Variants in CRB2 observed in about 807,000 individuals in gnomAD.
CRB2 encodes the protein crumbs cell polarity complex component 2, also known as protein crumbs homolog 2.
A neutral mutation model predicts 110.9 loss-of-function variants in CRB2; 85 were observed. That is an observed-to-expected ratio of 0.77 (90% confidence interval 0.64 to 0.92). CRB2 has a LOEUF of 0.92. Ranked by LOEUF, CRB2 falls within the 40% of genes least tolerant of loss-of-function variation. CRB2 has a pLI of 0.00. For synonymous variants in CRB2, 907 were observed against 831.0 expected (o/e 1.09, Z -1.57); for missense variants, 1,843 against 1,851.3 (o/e 1.00, Z 0.08).
In CRB2 at chr9:123,373,711, T is replaced by TGCGCCCTCGCCCTGTCTGC; in HGVS notation, c.3181_3199dup (p.His1067ArgfsTer13). On this transcript the variant is annotated frameshift_variant, in exon 10 of 13. Coordinates refer to ENST00000373631, the MANE Select transcript of CRB2 (RefSeq NM_173689.7). LOFTEE classifies it high-confidence loss of function. ...TCGGCTGCCGCGGCGCGCCCGTGTG[T>TGCGCCCTCGCCCTGTCTGC]GCGCCCTCGCCCTGTCTGCACGACG... is the stretch of plus-strand genomic sequence containing the variant. 1 of 1,522,582 alleles carries TGCGCCCTCGCCCTGTCTGC rather than the reference T, an allele frequency of 6.6e-7. No homozygotes were observed. Among genetic ancestry groups the TGCGCCCTCGCCCTGTCTGC allele is most frequent in the Admixed American group, 2.1e-5 (1 of 48,460 alleles). 94.3% of individuals were successfully genotyped at this position (1,522,582 alleles called of 1,614,324 possible). A position where few individuals can be genotyped will look rare whatever the true frequency, so the allele number is the denominator to read the frequency against.
At chr9:123,374,380 T>C (rs964463295) in intron 10 of CRB2, among the ~76,000 whole-genome samples, 199 bp from the exon 11 acceptor site, 2 of 151,046 alleles carry the variant, frequency 1.3e-5, no homozygotes, top group Non-Finnish European at 2.9e-5. Flanking sequence ...TTTGTTGTCC[T>C]GAGTCCTCTG....
At position 123,374,716 on chromosome 9, in the gene CRB2, A is replaced by C. The variant is rs367876463; in HGVS notation, c.3506+21A>C. On this transcript the variant is annotated intron_variant, in intron 11 of 12. Transcript: ENST00000373631. ...CAGAGGTGGGTCTGGGGGCCTGGGA[A>C]CTGTGAGGAGGTCCAATGAATGTGG... is the stretch of plus-strand genomic sequence containing the variant. The C allele has an allele frequency of 7.1e-6, 11 of 1,557,190 alleles. 1 individual carries two copies. Among genetic ancestry groups the C allele is most frequent in the African/African-American group, 1.3e-5 (1 of 74,102 alleles).
In CRB2 at chr9:123,371,519, C is replaced by T; in HGVS notation, c.2377C>T (p.Leu793Phe). ...GGATAACTCAAGCCAGCCCAGCGAG[C>T]TCGGCGGCAGGCAGTCCTGGAACCT... The part of the protein sequence containing the change: ...PLDNSSQPSE[L>F]GGRQSWNLTA... Residue 793 changes from leucine to phenylalanine, a missense_variant, in exon 8 of 13, where the codon CTC (leucine) becomes TTC (phenylalanine). Physicochemically the swap from Leu to Phe is conservative, Grantham distance 22 (BLOSUM62 0). Coordinates refer to ENST00000373631, the MANE Select transcript of CRB2 (RefSeq NM_173689.7). 2 of 1,613,186 alleles carry T rather than the reference C, an allele frequency of 1.2e-6. No individual in the cohort carries two copies. Among genetic ancestry groups the T allele is most frequent in the South Asian group, 1.1e-5 (1 of 91,084 alleles).
In CRB2 at chr9:123,375,205, C is replaced by T. The variant is rs2042084660; in HGVS notation, c.3507-12C>T. 3 of 1,612,328 alleles carry T rather than the reference C, an allele frequency of 1.9e-6. No homozygotes were observed. The highest frequency in any genetic ancestry group is 1.7e-5 in the Admixed American group (1 of 59,816). ...GGGGGAAGCCGCTTTCTCAGCCCCC[C>T]TCCCTCTCCAGGTGTCAGGTCCCCA... On this transcript the variant is annotated splice_polypyrimidine_tract_variant and intron_variant, in intron 11 of 12. Transcript: ENST00000373631.
Position 123,363,189 on chromosome 9 carries a change from G to GT in CRB2, c.418+2dup. ...TGCCATTGCCCCCTTGGCTATGCAGGTAACAGCCTGGGCCGCCCTGGGAGG... is the reference window on the plus strand; with the variant it reads ...TGCCATTGCCCCCTTGGCTATGCAGGTTAACAGCCTGGGCCGCCCTGGGAGG... On this transcript the variant is annotated splice_donor_variant, in intron 2 of 12. Transcript: ENST00000373631. LOFTEE classifies it high-confidence loss of function. The GT allele has an allele frequency of 1.3e-6, 2 of 1,597,226 alleles. No homozygotes were observed. Among genetic ancestry groups the GT allele is most frequent in the Non-Finnish European group, 1.7e-6 (2 of 1,170,538 alleles).
downstream of CRB2, chr9:123,379,723 G>GGA (rs2042181277): frequency 6.6e-6 from 1 of 152,282 alleles, no homozygotes; most frequent in South Asian, 2.1e-4. Flanking sequence ...AGTCCCACAA[G>GGA]TGAAGAGGCA....
chr9:123,368,755 G>A, intron 6 of CRB2: 1 of 1,134,486 alleles, frequency 8.8e-7, no homozygotes, highest in African/African-American at 1.7e-5. Context: ...GCCATGCTGG[G>A]CATGGGGGAG....
At chr9:123,371,702 G>A (rs2042019308) in intron 8 of CRB2, 124 bp downstream of exon 8, 3 of 1,340,536 alleles carry the variant, frequency 2.2e-6, no homozygotes, top group Non-Finnish European at 3.1e-6. Flanking sequence ...GAGGTGAAGT[G>A]ACCTGCCCAG....
Position 123,370,461 on chromosome 9 carries a change from C to T in CRB2, c.1408C>T (p.Pro470Ser), listed in dbSNP as rs754143283. The T allele has an allele frequency of 6.2e-7, 1 of 1,613,484 alleles. No individual in the cohort carries two copies. Among genetic ancestry groups the T allele is most frequent in the South Asian group, 1.1e-5 (1 of 91,084 alleles). ...GGCACTGAGGTTTCGCACCACACTGCCCGCTGGGACCTTGGCCACTCGCAA... is the reference window on the plus strand; with the variant it reads ...GGCACTGAGGTTTCGCACCACACTGTCCGCTGGGACCTTGGCCACTCGCAA... ...GLALRFRTTLPAGTLATRNDT... is the reference protein window; with the variant it reads ...GLALRFRTTLSAGTLATRNDT... Residue 470 changes from proline (P) to serine (S), a missense_variant, in exon 7 of 13, where the codon CCC becomes TCC. Coordinates refer to ENST00000373631, the MANE Select transcript of CRB2 (RefSeq NM_173689.7).
intron 6 of CRB2, among the ~76,000 whole-genome samples, chr9:123,368,330 G>C (rs961798022): frequency 1.3e-5 from 2 of 152,212 alleles, no homozygotes; most frequent in East Asian, 3.9e-4. Context: ...CCTGAAGATG[G>C]TGGGACTCAG....
chr9:123,375,249 A>G lies in CRB2; in HGVS notation c.3539A>G (p.Asn1180Ser), dbSNP rs1445545934. ...GTCCCCACTCTCCCCTGTGAAGCCA[A>G]CCCCTGCTTGAATGGGGGCACCTGC... ...CQVPTLPCEA[N>S]PCLNGGTCRA... The change falls in exon 12 of 13, where the codon AAC becomes AGC. Residue 1180 changes from asparagine (N) to serine (S), a missense_variant. By Grantham distance (46) the Asn-to-Ser change is conservative. Coordinates refer to ENST00000373631, the MANE Select transcript of CRB2 (RefSeq NM_173689.7). 1 of 1,611,590 alleles carries G rather than the reference A, an allele frequency of 6.2e-7. No homozygotes were observed. Among genetic ancestry groups the G allele is most frequent in the East Asian group, 2.2e-5 (1 of 44,742 alleles).
intron 2 of CRB2, among the ~76,000 whole-genome samples, chr9:123,363,869 C>T (rs955692214): frequency 2.6e-5 from 4 of 152,354 alleles, no homozygotes; most frequent in African/African-American, 9.6e-5. Context: ...AGCGGCTTCC[C>T]AGAGAGGCCT....
At position 123,370,396 on chromosome 9, in the gene CRB2, C is replaced by T; in HGVS notation, c.1343C>T (p.Pro448Leu). The T allele has an allele frequency of 1.2e-6, 2 of 1,613,680 alleles. No homozygotes were observed. Among genetic ancestry groups the T allele is most frequent in the Non-Finnish European group, 1.7e-6 (2 of 1,180,034 alleles). Residue 448 changes from proline (P) to leucine (L), a missense_variant, in exon 7 of 13, where the codon CCC (proline) becomes CTC (leucine). Coordinates refer to ENST00000373631, the MANE Select transcript of CRB2 (RefSeq NM_173689.7). Reference protein sequence around the residue: ...NTTFSVMAGSPIQASVPAGGP... With the variant: ...NTTFSVMAGSLIQASVPAGGP... Reference sequence around the variant, plus strand: ...ACCTTCTCTGTGATGGCTGGGAGCCCCATTCAGGCATCAGTGCCAGCTGGT... The same window carrying T: ...ACCTTCTCTGTGATGGCTGGGAGCCTCATTCAGGCATCAGTGCCAGCTGGT...
Position 123,373,908 on chromosome 9 carries a change from G to C in CRB2, c.3377G>C (p.Gly1126Ala). Residue 1126 changes from glycine (G) to alanine (A), a missense_variant, in exon 10 of 13, where the codon GGC (glycine) becomes GCC (alanine). By Grantham distance (60) the Gly-to-Ala change is moderately conservative (BLOSUM62 0). Transcript: ENST00000373631. ...FECRCPPGFG[G>A]PRCRLPVPSK... ...TGCCGCTGCCCGCCTGGCTTCGGGG[G>C]CCCGCGCTGCAGGTGGGATGGCTGG... 3.9e-6 allele frequency: 6 copies of C among 1,549,182 alleles called. No individual in the cohort carries two copies. Among genetic ancestry groups the C allele is most frequent in the Non-Finnish European group, 5.2e-6 (6 of 1,147,994 alleles).
chr9:123,374,853 C>A (rs551917939), intron 11 of CRB2, among the ~76,000 whole-genome samples, 158 bp downstream of exon 11: 1 of 152,244 alleles, frequency 6.6e-6, no homozygotes, highest in Non-Finnish European at 1.5e-5. Context: ...CTCGCAAGAC[C>A]ATCCTCTGTG....
chr9:123,373,240 C>T lies in CRB2; in HGVS notation c.2709C>T (p.Arg903=), dbSNP rs116379540. ...GCCTGTCGCTGGCCTTTCGCACGCG[C>T]GACTCCGAGGCCTGGCTGCTGCGTG... ...LGGLSLAFRT[R]DSEAWLLRAA... is the part of the protein sequence containing the mutation. The change falls in exon 10 of 13, where the codon CGC becomes CGT. Residue 903 remains arginine (R), a synonymous_variant. Coordinates refer to ENST00000373631, the MANE Select transcript of CRB2 (RefSeq NM_173689.7). The T allele has an allele frequency of 1.2e-3, 1,746 of 1,504,180 alleles. 21 individuals are homozygous for T. The African/African-American group carries it at 0.022, about 19-fold the overall frequency. The allele number at this position is 1,504,180 out of a possible 1,614,324, so 93.2% of individuals were successfully genotyped here.
chr9:123,356,461 T>C (rs2041800272), intron 1 of CRB2, 107 bp downstream of exon 1: 2 of 837,802 alleles, frequency 2.4e-6, no homozygotes, highest in Non-Finnish European at 3.5e-6. Context: ...TCCGCGTGGG[T>C]GCAGGCCTGA....
At chr9:123,367,416 T>TGGGG in intron 5 of CRB2, 59 bp downstream of exon 5, 11 of 1,279,082 alleles carry the variant, frequency 8.6e-6, no homozygotes, top group African/African-American at 2.0e-5. Context: ...AGGGATCTTG[T>TGGGG]GCCCACCCCC....
Position 123,370,189 on chromosome 9 carries a change from G to T in CRB2, c.1136G>T (p.Gly379Val). The stretch of plus-strand genomic sequence containing the variant: ...GGAACCTGCAGTGACACTGTGGCAG[G>T]CTATATCTGCAGGTGCCCAGAGACC... ...HGGTCSDTVA[G>V]YICRCPETWG... Residue 379 changes from glycine (G) to valine (V), a missense_variant, in exon 7 of 13, where the codon GGC becomes GTC. By Grantham distance (109) the Gly-to-Val change is moderately radical. Coordinates refer to ENST00000373631, the MANE Select transcript of CRB2 (RefSeq NM_173689.7). The T allele has an allele frequency of 1.2e-6, 2 of 1,612,960 alleles. No individual in the cohort carries two copies. The highest frequency in any genetic ancestry group is 1.7e-6 in the Non-Finnish European group (2 of 1,179,848).
Sources: allele counts gnomAD v4.1 joint callset (sites outside exome capture counted in the v4.1 genomes callset), GRCh38; gene constraint gnomAD v4.1.1; transcripts MANE v1.5; gene names NCBI Gene and HGNC (gene_info 2026-07-23, HGNC 2026-07-21).